The following NXPE2 variants were observed in gnomAD, a reference collection of about 807,000 sequenced individuals.
NXPE2 encodes the protein NXPE family member 2.
NXPE2 carries 34 observed loss-of-function variants against 34.4 expected under a neutral mutation model. That is an observed-to-expected ratio of 0.99 (90% CI 0.75 to 1.31). The LOEUF (loss-of-function observed/expected upper bound fraction) is 1.31, where lower values mean the gene tolerates loss of function less well. NXPE2 is among the 40% of genes most tolerant of loss of function. The pLI, the probability that NXPE2 is intolerant of heterozygous loss-of-function variation, is 0.00. For synonymous variants in NXPE2, 235 were observed against 231.3 expected (o/e 1.02, Z -0.15); for missense variants, 649 against 672.5 (o/e 0.97, Z 0.39).
the NXPE2 span, among the ~76,000 whole-genome samples, chr11:114,551,774 T>C: frequency 6.6e-6 from 1 of 151,802 alleles, no homozygotes; most frequent in African/African-American, 2.4e-5. Context: ...GATGATCCAA[T>C]AAGGCTGGGC....
At chr11:114,633,517 G>A in the NXPE2 span, among the ~76,000 whole-genome samples, 1 of 150,582 alleles carries the variant, frequency 6.6e-6, no homozygotes. Flanking sequence ...CAATGTGCAG[G>A]TTAGTTATCC....
the NXPE2 span, among the ~76,000 whole-genome samples, chr11:114,567,062 G>C: frequency 3.9e-5 from 6 of 152,182 alleles, no homozygotes; most frequent in Admixed American, 3.9e-4. Flanking sequence ...TGCTGTTTCT[G>C]GTGGCCGTGC....
At chr11:114,643,180 C>T in the NXPE2 span, among the ~76,000 whole-genome samples, 3 of 152,116 alleles carry the variant, frequency 2.0e-5, no homozygotes, top group East Asian at 1.9e-4. Flanking sequence ...GGATAGATTG[C>T]AAAAATTTTC....
the NXPE2 span, among the ~76,000 whole-genome samples, chr11:114,639,916 T>C: frequency 3.5e-5 from 4 of 113,922 alleles, no homozygotes; most frequent in Non-Finnish European, 6.4e-5. Flanking sequence ...TAAAATATAA[T>C]ATTATATTAT....
the NXPE2 span, among the ~76,000 whole-genome samples, chr11:114,619,289 G>C: frequency 6.6e-6 from 1 of 152,132 alleles, no homozygotes; most frequent in African/African-American, 2.4e-5. Context: ...AATAAGTATT[G>C]CCTCGTGGGT....
At chr11:114,766,645 C>A in the NXPE2 span, among the ~76,000 whole-genome samples, 1 of 151,782 alleles carries the variant, frequency 6.6e-6, no homozygotes, top group Non-Finnish European at 1.5e-5. Context: ...TTTTTTCCTG[C>A]ATTTCTTTAG....
chr11:114,540,862 TTTTTTTTTTTTTTTTTTTTTTTTG>T, the NXPE2 span, among the ~76,000 whole-genome samples: 2 of 68,544 alleles, frequency 2.9e-5, no homozygotes, highest in African/African-American at 2.6e-4. Flanking sequence ...TTTTTTTTTT[TTTTTTTTTTTTTTTTTTTTTTTTG>T]GCTTGAACAA....
the NXPE2 span, chr11:114,522,508 T>TA: frequency 8.3e-6 from 13 of 1,570,630 alleles, no homozygotes; most frequent in Middle Eastern, 1.7e-4. Context: ...TCAGTGCTGA[T>TA]AAAAAAACAA....
At chr11:114,783,090 G>A in the NXPE2 span, among the ~76,000 whole-genome samples, 1 of 152,182 alleles carries the variant, frequency 6.6e-6, no homozygotes, top group African/African-American at 2.4e-5. Context: ...TCCCTGCAAA[G>A]TCCAAAACGA....
chr11:114,704,108 T>G, intron 4 of NXPE2, 56 bp downstream of exon 4: 1 of 1,244,472 alleles, frequency 8.0e-7, no homozygotes, highest in African/African-American at 1.5e-5. Context: ...GGAAAGGACA[T>G]GCTTACTTAG....
At chr11:114,715,898 T>A in the NXPE2 span, among the ~76,000 whole-genome samples, 2 of 152,146 alleles carry the variant, frequency 1.3e-5, no homozygotes, top group Non-Finnish European at 2.9e-5. Flanking sequence ...ACCACCTAAG[T>A]AGCTGTTTAA....
the NXPE2 span, among the ~76,000 whole-genome samples, chr11:114,768,298 G>A: frequency 2.6e-5 from 4 of 152,174 alleles, no homozygotes; most frequent in Non-Finnish European, 5.9e-5. Flanking sequence ...GTACCATGCT[G>A]TTTTGGTTAC....
At chr11:114,703,706 TAGATAGATAGAC>T (rs1336101570) in intron 3 of NXPE2, among the ~76,000 whole-genome samples, 33 of 40,658 alleles carry the variant, frequency 8.1e-4, no homozygotes, top group South Asian at 6.7e-3. Context: ...AGATGATAGA[TAGATAGATAGAC>T]AGACAGACAG....
At chr11:114,715,876 C>T in the NXPE2 span, among the ~76,000 whole-genome samples, 10 of 152,188 alleles carry the variant, frequency 6.6e-5, no homozygotes, top group Non-Finnish European at 1.3e-4. Context: ...TTCCACATGC[C>T]TGTGTACCAC....
the NXPE2 span, among the ~76,000 whole-genome samples, chr11:114,635,123 A>G: frequency 6.6e-6 from 1 of 150,810 alleles, no homozygotes; most frequent in Non-Finnish European, 1.5e-5. Context: ...ATTTGTTTGT[A>G]TCCTCTTTTA....
At chr11:114,498,967 C>G in the NXPE2 span, among the ~76,000 whole-genome samples, 1 of 152,060 alleles carries the variant, frequency 6.6e-6, no homozygotes, top group Admixed American at 6.6e-5. Context: ...TGTTAATTGT[C>G]TTTCCTTGAA....
At chr11:114,658,923 G>A in the NXPE2 span, among the ~76,000 whole-genome samples, 2,913 of 152,304 alleles carry the variant, frequency 0.019, 33 homozygotes, top group Non-Finnish European at 0.027. Flanking sequence ...TACCATGGAA[G>A]AAGGGACAAG....
At chr11:114,707,316 G>T, downstream of NXPE2, 2 of 300,738 alleles carry the variant, frequency 6.7e-6, no homozygotes, top group South Asian at 2.5e-5. Context: ...GGCTGGTCTC[G>T]AACTCCTGAC....
chr11:114,766,043 C>G, the NXPE2 span, among the ~76,000 whole-genome samples: 1 of 152,158 alleles, frequency 6.6e-6, no homozygotes, highest in African/African-American at 2.4e-5. Context: ...ATGTTTCTCC[C>G]TCAATACACC....
Sources: gnomAD v4.1 joint callset for allele counts (sites outside exome capture counted in the v4.1 genomes callset) on GRCh38, gnomAD v4.1.1 for gene constraint, MANE v1.5 for transcripts, NCBI Gene and HGNC (gene_info 2026-07-23, HGNC 2026-07-21) for gene names.